Variants in EMC2 observed in about 807,000 individuals in gnomAD.
EMC2 encodes TPR repeat protein 35.
In EMC2, 37 loss-of-function variants were observed where a neutral mutation model predicts 51.6. The ratio of observed to expected loss-of-function variants is 0.72; its 90% CI spans 0.55 to 0.94. The LOEUF (loss-of-function observed/expected upper bound fraction) is 0.94, where lower values mean the gene tolerates loss of function less well. EMC2 is among the 40% of genes least tolerant of loss of function. The pLI is 0.00. For missense variants in EMC2, 359 were observed against 350.9 expected, an observed-to-expected ratio of 1.02 and a Z score of -0.18; for synonymous variants, 131 against 112.4, an observed-to-expected ratio of 1.17 and a Z score of -1.04.
rs187162573 is a variant in EMC2, at chr8:108,444,345, G to C, written c.40+647G>C. On this transcript the variant is annotated intron_variant, in intron 1 of 10. Transcript: ENST00000220853. ...GGGAAAAATAACTAATTAACTCTGGGCTACGTAAGTGCTTACGTGTGATGG... is the reference window on the plus strand; with the variant it reads ...GGGAAAAATAACTAATTAACTCTGGCCTACGTAAGTGCTTACGTGTGATGG... Among the ~76,000 whole-genome samples the C allele has an allele frequency of 3.4e-3, 512 of 152,218 alleles. 3 individuals carry two copies. Among genetic ancestry groups the C allele is most frequent in the Non-Finnish European group, 6.3e-3 (431 of 68,004 alleles).
At position 108,488,916 on chromosome 8, in the gene EMC2, T is replaced by C. The variant is rs1177577493; in HGVS notation, c.*2318T>C. ...GAACAGAACCCTACTGAGAAGGGCTTTCCTTTCAAATTAAAAAATCAGAGC... is the reference window on the plus strand; with the variant it reads ...GAACAGAACCCTACTGAGAAGGGCTCTCCTTTCAAATTAAAAAATCAGAGC... On this transcript the variant is annotated 3_prime_UTR_variant, in exon 11 of 11. Transcript: ENST00000220853. 6.6e-6 allele frequency among the ~76,000 whole-genome samples: 1 copy of C among 152,184 alleles called. No homozygotes were observed. The highest frequency in any genetic ancestry group is 1.5e-5 in the Non-Finnish European group (1 of 68,030).
chr8:108,446,136 CT>C (rs1818873135), intron 1 of EMC2: 3 of 200,172 alleles, frequency 1.5e-5, no homozygotes, highest in South Asian at 1.5e-4. Context: ...GGAACTTTAT[CT>C]TTTTCTTTCT....
rs1811169695 is a variant in EMC2, at chr8:108,487,792, TAATA to T, written c.*1198_*1201del. 1.3e-5 allele frequency among the ~76,000 whole-genome samples: 2 copies of T among 152,202 alleles called. No individual in the cohort carries two copies. The highest frequency in any genetic ancestry group is 2.4e-5 in the African/African-American group (1 of 41,462). On this transcript the variant is annotated 3_prime_UTR_variant, in exon 11 of 11. Transcript: ENST00000220853. ...CTTTTAACCTTTTGAATAGTTCTGCTAATAAATTATTCTCCATATCTAGTCTAAT... is the reference window on the plus strand; with the variant it reads ...CTTTTAACCTTTTGAATAGTTCTGCTAATTATTCTCCATATCTAGTCTAAT...
chr8:108,466,865 G>A (rs995564553), intron 5 of EMC2, among the ~76,000 whole-genome samples: 1 of 151,894 alleles, frequency 6.6e-6, no homozygotes, highest in Non-Finnish European at 1.5e-5. Flanking sequence ...CAAAACCTAG[G>A]GTTTTGTGTG....
chr8:108,478,332 A>G (rs949725130), intron 9 of EMC2, among the ~76,000 whole-genome samples: 1 of 152,028 alleles, frequency 6.6e-6, no homozygotes, highest in African/African-American at 2.4e-5. Context: ...CAGATTAAGA[A>G]CCGCTCATTT....
intron 5 of EMC2, among the ~76,000 whole-genome samples, chr8:108,459,717 AGAGAGT>A (rs1386745069): frequency 7.5e-6 from 1 of 133,920 alleles, no homozygotes; most frequent in African/African-American, 3.6e-5. Context: ...AGAGAGAGAG[AGAGAGT>A]GTGTGTGTGT....
chr8:108,469,321 ATATT>A (rs1043956677), intron 5 of EMC2, among the ~76,000 whole-genome samples: 10 of 152,154 alleles, frequency 6.6e-5, no homozygotes, highest in Non-Finnish European at 1.5e-4. Flanking sequence ...TTATCATACA[ATATT>A]TATTTCAGGA....
intron 5 of EMC2, among the ~76,000 whole-genome samples, chr8:108,462,729 A>G (rs1819359498): frequency 1.7e-5 from 2 of 118,190 alleles, no homozygotes; most frequent in East Asian, 2.3e-4. Flanking sequence ...ACTGCTGAAC[A>G]TCTTTTAATA....
intron 3 of EMC2, among the ~76,000 whole-genome samples, chr8:108,452,519 A>T (rs777134146): frequency 6.6e-6 from 1 of 152,166 alleles, no homozygotes; most frequent in Non-Finnish European, 1.5e-5. Flanking sequence ...GTGAGCCAGG[A>T]TCGTGCCACT....
chr8:108,445,086 G>C (rs1482721396), intron 1 of EMC2, among the ~76,000 whole-genome samples: 1 of 152,178 alleles, frequency 6.6e-6, no homozygotes, highest in Non-Finnish European at 1.5e-5. Flanking sequence ...GGGACGAGTA[G>C]CTGTATACTA....
In EMC2 at chr8:108,457,919, C is replaced by T. The variant is rs192817276; in HGVS notation, c.363+1989C>T. On this transcript the variant is annotated intron_variant, in intron 5 of 10. Coordinates refer to ENST00000220853, the MANE Select transcript of EMC2 (RefSeq NM_014673.5). ...GCATCTCATCTGAGATAAGGCAAGT[C>T]CCTTCCACCTATGATCCTGTAAAAT... Among the ~76,000 whole-genome samples, 222 of 152,306 alleles carry T rather than the reference C, an allele frequency of 1.5e-3. 1 individual carries two copies. Among genetic ancestry groups the T allele is most frequent in the African/African-American group, 5.2e-3 (217 of 41,576 alleles).
chr8:108,454,056 A>G (rs930798750), intron 4 of EMC2, among the ~76,000 whole-genome samples: 1 of 152,068 alleles, frequency 6.6e-6, no homozygotes, highest in Non-Finnish European at 1.5e-5. Flanking sequence ...GATTAGTGTT[A>G]CAGCATATCT....
chr8:108,469,925 A>G lies in EMC2; in HGVS notation c.449+14A>G. 1 of 1,595,692 alleles carries G rather than the reference A, an allele frequency of 6.3e-7. No individual in the cohort carries two copies. Among genetic ancestry groups the G allele is most frequent in the Non-Finnish European group, 8.6e-7 (1 of 1,163,662 alleles). On this transcript the variant is annotated intron_variant, in intron 6 of 10. Coordinates refer to ENST00000220853, the MANE Select transcript of EMC2 (RefSeq NM_014673.5). ...GTATCTGGAACAGTGAGTATTTTAC[A>G]AGAGGATTGTGTTTTGTTATTCTGA... is the stretch of plus-strand genomic sequence containing the variant.
chr8:108,449,908 T>C lies in EMC2; in HGVS notation c.126T>C (p.Asn42=). The part of the protein sequence containing the change: ...QIVEVGEELI[N]EYASKLGDDI... ...TGGAAGTTGGAGAAGAATTAATTAATGAATATGCTTCTAAGCTGGGAGATG... is the reference window on the plus strand; with the variant it reads ...TGGAAGTTGGAGAAGAATTAATTAACGAATATGCTTCTAAGCTGGGAGATG... The change falls in exon 2 of 11, where the codon AAT becomes AAC. Residue 42 remains asparagine (N), a synonymous_variant. Transcript: ENST00000220853. 4 of 1,574,478 alleles carry C rather than the reference T, an allele frequency of 2.5e-6. No homozygotes were observed. The highest frequency in any genetic ancestry group is 1.3e-5 in the African/African-American group (1 of 74,086).
intron 5 of EMC2, among the ~76,000 whole-genome samples, chr8:108,467,479 G>A (rs549761334): frequency 4.4e-4 from 67 of 152,008 alleles, no homozygotes; most frequent in African/African-American, 1.5e-3. Flanking sequence ...CTCCCAAGTA[G>A]TTGGGATTAC....
chr8:108,453,909 CATAATA>C (rs1819092131), intron 4 of EMC2, among the ~76,000 whole-genome samples: 1 of 152,080 alleles, frequency 6.6e-6, no homozygotes, highest in African/African-American at 2.4e-5. Context: ...TTGTTAGTCA[CATAATA>C]ATAAGGATTG....
At chr8:108,448,563 C>T (rs949368783) in intron 1 of EMC2, among the ~76,000 whole-genome samples, 1 of 152,158 alleles carries the variant, frequency 6.6e-6, no homozygotes, top group Admixed American at 6.5e-5. Context: ...TCTTTCTTTG[C>T]CTGCTGCCAT....
intron 1 of EMC2, among the ~76,000 whole-genome samples, chr8:108,447,697 AACC>A (rs1305283196): frequency 7.9e-5 from 12 of 152,192 alleles, no homozygotes; most frequent in African/African-American, 2.9e-4. Context: ...CGACTCTCTT[AACC>A]TTTGACCTTT....
intron 10 of EMC2, among the ~76,000 whole-genome samples, chr8:108,484,608 A>G (rs373242780): frequency 3.9e-5 from 6 of 151,942 alleles, no homozygotes; most frequent in African/African-American, 9.7e-5. Flanking sequence ...TTGCTATTTA[A>G]AAGCAATTAG....
Sources: gnomAD v4.1 joint callset for allele counts (sites outside exome capture counted in the v4.1 genomes callset) on GRCh38, gnomAD v4.1.1 for gene constraint, MANE v1.5 for transcripts, NCBI Gene and HGNC (gene_info 2026-07-23, HGNC 2026-07-21) for gene names.